Variants in MYO3A observed in about 807,000 individuals in gnomAD.
MYO3A encodes myosin-IIIa.
MYO3A carries 180 observed loss-of-function variants against 192.7 expected under a neutral mutation model. The observed-to-expected ratio is 0.93, with a 90% CI of 0.83 to 1.06. The LOEUF (loss-of-function observed/expected upper bound fraction) is 1.06. Ranked by LOEUF, MYO3A falls within the 50% of genes least tolerant of loss-of-function variation. The pLI is 0.00. For missense variants in MYO3A, 1,896 were observed against 1,905.0 expected (o/e 1.00, Z 0.09); for synonymous variants, 628 against 645.3 (o/e 0.97, Z 0.41).
At chr10:26,072,576 A>G (rs144974138) in intron 14 of MYO3A, among the ~76,000 whole-genome samples, 66 of 152,260 alleles carry the variant, frequency 4.3e-4, no homozygotes, top group African/African-American at 1.6e-3. Flanking sequence ...GTGGTGATCT[A>G]GTGAGTTTCA....
At chr10:25,957,117 T>C (rs895981910) in intron 4 of MYO3A, among the ~76,000 whole-genome samples, 2 of 152,184 alleles carry the variant, frequency 1.3e-5, no homozygotes, top group Admixed American at 1.3e-4. Context: ...ACATTTTCTT[T>C]ATTCAGTCTG....
At chr10:26,160,901 A>G (rs1173225118) in intron 26 of MYO3A, among the ~76,000 whole-genome samples, 4 of 152,226 alleles carry the variant, frequency 2.6e-5, no homozygotes, top group African/African-American at 9.6e-5. Context: ...TTGAAAAATA[A>G]CCATAGTTTT....
intron 27 of MYO3A, among the ~76,000 whole-genome samples, chr10:26,167,462 G>C (rs1429606076): frequency 6.6e-6 from 1 of 152,144 alleles, no homozygotes; most frequent in Non-Finnish European, 1.5e-5. Flanking sequence ...AAAATCTCAT[G>C]ATTTATGGTC....
At chr10:26,118,375 C>T (rs1209234847) in intron 17 of MYO3A, among the ~76,000 whole-genome samples, 2 of 152,148 alleles carry the variant, frequency 1.3e-5, no homozygotes, top group African/African-American at 2.4e-5. Context: ...AATATATCAG[C>T]ATATGTATTG....
chr10:25,977,651 G>A (rs1442353495), intron 4 of MYO3A, among the ~76,000 whole-genome samples: 1 of 152,078 alleles, frequency 6.6e-6, no homozygotes, highest in Admixed American at 6.6e-5. Context: ...ATGAATGAAT[G>A]AATAAAACTT....
chr10:26,197,516 C>T (rs1843470323), intron 32 of MYO3A, among the ~76,000 whole-genome samples: 1 of 152,080 alleles, frequency 6.6e-6, no homozygotes, highest in Admixed American at 6.6e-5. Flanking sequence ...CTTGTATGTC[C>T]CTGGCCTGCT....
intron 26 of MYO3A, among the ~76,000 whole-genome samples, chr10:26,158,006 A>G (rs145149153): frequency 5.3e-5 from 8 of 152,246 alleles, no homozygotes; most frequent in African/African-American, 9.6e-5. Context: ...CCTCCCCACA[A>G]CAAAGAATTA....
chr10:25,967,114 T>G (rs553970839), intron 4 of MYO3A, among the ~76,000 whole-genome samples: 2 of 152,296 alleles, frequency 1.3e-5, no homozygotes, highest in South Asian at 4.1e-4. Context: ...GAGGAAGTTA[T>G]GCAGAAAAAA....
chr10:26,113,921 T>A (rs532978608), intron 17 of MYO3A, among the ~76,000 whole-genome samples: 19 of 152,364 alleles, frequency 1.2e-4, no homozygotes, highest in African/African-American at 3.8e-4. Flanking sequence ...TTGCTCATGC[T>A]GTTTTATTGC....
chr10:25,934,545 G>C (rs1010414939), intron 1 of MYO3A, among the ~76,000 whole-genome samples: 6 of 152,010 alleles, frequency 3.9e-5, no homozygotes, highest in African/African-American at 1.4e-4. Context: ...GGGGACTCGA[G>C]GGGAGAAGTA....
chr10:26,058,280 A>G (rs890103411), intron 10 of MYO3A, among the ~76,000 whole-genome samples: 2 of 152,098 alleles, frequency 1.3e-5, no homozygotes, highest in African/African-American at 2.4e-5. Context: ...AGCAATATGC[A>G]TTTGTATTTC....
At chr10:26,164,578 A>G (rs1841639732) in intron 26 of MYO3A, among the ~76,000 whole-genome samples, 1 of 152,060 alleles carries the variant, frequency 6.6e-6, no homozygotes, top group Non-Finnish European at 1.5e-5. Flanking sequence ...GGAAGAAGAG[A>G]GGAAAGTGGC....
intron 9 of MYO3A, among the ~76,000 whole-genome samples, chr10:26,024,446 G>A (rs1004700941): frequency 3.3e-5 from 5 of 152,066 alleles, no homozygotes; most frequent in Non-Finnish European, 5.9e-5. Context: ...CCTTTTAATT[G>A]GGGCATTTAG....
intron 10 of MYO3A, among the ~76,000 whole-genome samples, chr10:26,036,344 A>G (rs1843038303): frequency 6.6e-6 from 1 of 152,194 alleles, no homozygotes; most frequent in Non-Finnish European, 1.5e-5. Flanking sequence ...ATGATAATTT[A>G]GGAACTAGGT....
intron 26 of MYO3A, among the ~76,000 whole-genome samples, chr10:26,162,989 A>G (rs1841554452): frequency 6.6e-6 from 1 of 152,258 alleles, no homozygotes; most frequent in Non-Finnish European, 1.5e-5. Context: ...AAGGGCGCGC[A>G]AGCGTAGTGA....
At chr10:25,984,864 G>A (rs894679562) in intron 4 of MYO3A, among the ~76,000 whole-genome samples, 4 of 152,138 alleles carry the variant, frequency 2.6e-5, no homozygotes, top group Non-Finnish European at 4.4e-5. Flanking sequence ...CAATAATAGT[G>A]ACACAACCTA....
At chr10:26,129,627 T>C (rs1262669739) in intron 20 of MYO3A, among the ~76,000 whole-genome samples, 1 of 152,150 alleles carries the variant, frequency 6.6e-6, no homozygotes, top group Admixed American at 6.5e-5. Flanking sequence ...GTTTCTTCCT[T>C]CCCCATCTGG....
intron 4 of MYO3A, among the ~76,000 whole-genome samples, chr10:25,991,034 G>A (rs566037408): frequency 5.9e-5 from 9 of 152,288 alleles, no homozygotes; most frequent in Admixed American, 3.9e-4. Flanking sequence ...ACCCAGTAAT[G>A]GGATGGCTGG....
At chr10:26,108,367 C>A (rs1253340134) in intron 17 of MYO3A, among the ~76,000 whole-genome samples, 1 of 152,162 alleles carries the variant, frequency 6.6e-6, no homozygotes, top group Non-Finnish European at 1.5e-5. Flanking sequence ...GTTATCAGAT[C>A]TCTAGTAAGA....
Sources: gnomAD v4.1 joint callset for allele counts (sites outside exome capture counted in the v4.1 genomes callset) on GRCh38, gnomAD v4.1.1 for gene constraint, MANE v1.5 for transcripts, NCBI Gene and HGNC (gene_info 2026-07-23, HGNC 2026-07-21) for gene names.